The following CCDC149 variants were observed in gnomAD, a reference collection of about 807,000 sequenced individuals.
CCDC149 encodes coiled-coil domain-containing protein 149.
In CCDC149, 45 loss-of-function variants were observed where a neutral mutation model predicts 59.9. The ratio of observed to expected loss-of-function variants is 0.75; its 90% CI spans 0.59 to 0.96. The LOEUF is 0.96. CCDC149 is among the 40% of genes least tolerant of loss of function. CCDC149 has a pLI of 0.00. For synonymous variants in CCDC149, 245 were observed against 260.6 expected (o/e 0.94, Z 0.58); for missense variants, 584 against 664.7 (o/e 0.88, Z 1.33).
rs570249170 is a variant in CCDC149, at chr4:24,876,752, A to G, written c.64-55T>C. The stretch of plus-strand genomic sequence containing the variant: ...TCAAAAACATCCATGGGCCTCCATT[A>G]AACACACACCGTACTTCACACACCC... On this transcript the variant is annotated intron_variant, in intron 1 of 12. Coordinates refer to ENST00000635206, the MANE Select transcript of CCDC149 (RefSeq NM_001330643.2). 3.3e-6 allele frequency: 5 copies of G among 1,526,528 alleles called. No homozygotes were observed. The East Asian group carries it at 1.2e-4, about 36-fold the overall frequency. The allele number at this position is 1,526,528 out of a possible 1,614,324, so 94.6% of individuals were successfully genotyped here.
chr4:24,843,915 G>A (rs138773756), intron 4 of CCDC149, among the ~76,000 whole-genome samples: 53 of 152,168 alleles, frequency 3.5e-4, no homozygotes, highest in African/African-American at 1.1e-3. Context: ...CAGCCATGCC[G>A]GCTTCCCTCC....
Position 24,912,897 on chromosome 4 carries a change from G to T in CCDC149, c.-18C>A. ...TCCTCCATGCGCTGGCCGGCCTCCT[G>T]GACCCCCGCCGCCTCCTCCTCCTCG... On this transcript the variant is annotated 5_prime_UTR_variant, in exon 1 of 13. Coordinates refer to ENST00000635206, the MANE Select transcript of CCDC149 (RefSeq NM_001330643.2). 7.6e-7 allele frequency: 1 copy of T among 1,323,956 alleles called. No homozygotes were observed. Among genetic ancestry groups the T allele is most frequent in the Non-Finnish European group, 9.8e-7 (1 of 1,018,460 alleles). 82.0% of individuals were successfully genotyped at this position (1,323,956 alleles called of 1,614,324 possible).
chr4:24,919,886 G>T (rs1722234374), intron 1 of CCDC149, among the ~76,000 whole-genome samples: 1 of 152,190 alleles, frequency 6.6e-6, no homozygotes, highest in Non-Finnish European at 1.5e-5. Flanking sequence ...ATCCAAGAAA[G>T]ATTGCAGTAA....
chr4:24,905,367 T>G (rs193251124), intron 1 of CCDC149, among the ~76,000 whole-genome samples: 1 of 152,164 alleles, frequency 6.6e-6, no homozygotes, highest in East Asian at 1.9e-4. Flanking sequence ...TCTTGATAAC[T>G]TATCTTTTTC....
intron 1 of CCDC149, among the ~76,000 whole-genome samples, chr4:24,882,019 T>G (rs994946749): frequency 6.6e-6 from 1 of 152,044 alleles, no homozygotes; most frequent in African/African-American, 2.4e-5. Context: ...ATTCATGGAG[T>G]TGGTTACCAC....
chr4:24,874,000 C>A (rs112445621), intron 2 of CCDC149, among the ~76,000 whole-genome samples: 2 of 152,246 alleles, frequency 1.3e-5, no homozygotes, highest in African/African-American at 4.8e-5. Context: ...TGTCAAAATT[C>A]TTTTTGATCA....
intron 1 of CCDC149, among the ~76,000 whole-genome samples, chr4:24,968,786 G>T (rs1723878194): frequency 6.6e-6 from 1 of 152,254 alleles, no homozygotes; most frequent in South Asian, 2.1e-4. Flanking sequence ...TGCACCGATA[G>T]CTGGGTTGTC....
intron 4 of CCDC149, among the ~76,000 whole-genome samples, chr4:24,840,212 T>C (rs2109149593): frequency 6.6e-6 from 1 of 152,270 alleles, no homozygotes; most frequent in South Asian, 2.1e-4. Context: ...TCAACAAATA[T>C]TTACTGTGTC....
intron 1 of CCDC149, among the ~76,000 whole-genome samples, chr4:24,879,489 C>T (rs929520639): frequency 1.4e-5 from 2 of 146,340 alleles, no homozygotes; most frequent in Non-Finnish European, 3.0e-5. Context: ...TGCACACCAG[C>T]TGGGCAAAAA....
chr4:24,823,793 C>A (rs1306157212), intron 9 of CCDC149, among the ~76,000 whole-genome samples: 1 of 152,190 alleles, frequency 6.6e-6, no homozygotes, highest in Non-Finnish European at 1.5e-5. Context: ...TGGTTTTCTT[C>A]CATCTAGGTA....
intron 1 of CCDC149, among the ~76,000 whole-genome samples, chr4:24,955,103 T>C (rs1490632014): frequency 6.6e-6 from 1 of 152,204 alleles, no homozygotes; most frequent in African/African-American, 2.4e-5. Flanking sequence ...TATAACAGAA[T>C]ATCTGAGACT....
intron 3 of CCDC149, among the ~76,000 whole-genome samples, chr4:24,869,456 A>G (rs1718896988): frequency 6.6e-6 from 1 of 152,162 alleles, no homozygotes; most frequent in South Asian, 2.1e-4. Flanking sequence ...CCCATAATCT[A>G]TGAGCTGGAA....
chr4:24,909,222 G>A (rs1721726817), intron 1 of CCDC149, among the ~76,000 whole-genome samples: 1 of 152,170 alleles, frequency 6.6e-6, no homozygotes, highest in Non-Finnish European at 1.5e-5. Flanking sequence ...ACGGGGCTCT[G>A]GGCAGGTGAT....
intron 4 of CCDC149, among the ~76,000 whole-genome samples, chr4:24,852,301 C>CAG (rs1365346914): frequency 1.1e-3 from 159 of 149,732 alleles, no homozygotes; most frequent in Non-Finnish European, 1.9e-3. Context: ...CACACACACA[C>CAG]ACACACACAC....
intron 4 of CCDC149, among the ~76,000 whole-genome samples, chr4:24,841,128 T>C (rs1716908485): frequency 6.6e-6 from 1 of 152,098 alleles, no homozygotes; most frequent in Non-Finnish European, 1.5e-5. Flanking sequence ...AACAAAACAA[T>C]GTCTATCAGA....
At chr4:24,843,737 G>A (rs564810243) in intron 4 of CCDC149, among the ~76,000 whole-genome samples, 6 of 152,244 alleles carry the variant, frequency 3.9e-5, no homozygotes, top group East Asian at 3.9e-4. Flanking sequence ...CAGTCCAAGC[G>A]AGCAGTGTGC....
At chr4:24,915,949 G>A (rs1179217102), upstream of CCDC149, among the ~76,000 whole-genome samples, 1 of 152,198 alleles carries the variant, frequency 6.6e-6, no homozygotes, top group Admixed American at 6.5e-5. Flanking sequence ...AAAAAAGAGA[G>A]CTAATTATAT....
intron 1 of CCDC149, among the ~76,000 whole-genome samples, chr4:24,944,928 G>C (rs1723063120): frequency 6.6e-6 from 1 of 152,144 alleles, no homozygotes; most frequent in Non-Finnish European, 1.5e-5. Flanking sequence ...TTCTGCTTCA[G>C]AGTCCAGCCC....
intron 2 of CCDC149, among the ~76,000 whole-genome samples, chr4:24,874,254 TTTTTTG>T (rs1484710231): frequency 5.8e-5 from 4 of 69,488 alleles, no homozygotes; most frequent in African/African-American, 3.1e-4. Flanking sequence ...GTTTTTTTTT[TTTTTTG>T]TTTTGTTTTT....
Sources: allele counts gnomAD v4.1 joint callset (sites outside exome capture counted in the v4.1 genomes callset), GRCh38; gene constraint gnomAD v4.1.1; transcripts MANE v1.5; gene names NCBI Gene and HGNC (gene_info 2026-07-23, HGNC 2026-07-21).